The following SLC1A6 variants were observed in gnomAD, a reference collection of about 807,000 sequenced individuals.
SLC1A6 encodes excitatory amino acid transporter 4.
In SLC1A6, 15 loss-of-function variants were observed where a neutral mutation model predicts 42.1. That is an observed-to-expected ratio of 0.36 (90% CI 0.24 to 0.55). SLC1A6 has a LOEUF of 0.55. SLC1A6 is among the 20% of genes least tolerant of loss of function. The pLI, the probability that SLC1A6 is intolerant of heterozygous loss-of-function variation, is 0.88. For missense variants in SLC1A6, 542 were observed against 772.5 expected (o/e 0.70, Z 3.54); for synonymous variants, 317 against 319.7 (o/e 0.99, Z 0.09).
chr19:15,005,164 G>A (rs1357206471), intron 1 of SLC1A6, among the ~76,000 whole-genome samples: 1 of 151,910 alleles, frequency 6.6e-6, no homozygotes, highest in African/African-American at 2.4e-5. Context: ...GGAGGCTGAG[G>A]CAGGAGGATT....
chr19:14,996,555 CTTCTTG>C lies in SLC1A6; in HGVS notation c.6+13924_6+13929del, dbSNP rs1414440326. 2.8e-3 allele frequency among the ~76,000 whole-genome samples: 387 copies of C among 136,448 alleles called. 12 individuals carry two copies. Among genetic ancestry groups the C allele is most frequent in the African/African-American group, 9.8e-3 (336 of 34,132 alleles). 89.5% of individuals were successfully genotyped at this position (136,448 alleles called of 152,430 possible). A position where few individuals can be genotyped will look rare whatever the true frequency, so the allele number is the denominator to read the frequency against. On this transcript the variant is annotated intron_variant, in intron 1 of 8. Coordinates refer to the SLC1A6 transcript ENST00000430939. ...TCTTCTTCTTCTTCTTCTTCTTCTT[CTTCTTG>C]TTCTTCTTCCTCTTCTTCTTCTTCC... is the stretch of plus-strand genomic sequence containing the variant.
At chr19:14,996,588 C>CTTCTTCTTCTTCTTCTTCTTCT (rs1555710449) in intron 1 of SLC1A6, among the ~76,000 whole-genome samples, 8 of 150,566 alleles carry the variant, frequency 5.3e-5, no homozygotes, top group South Asian at 2.1e-4. Context: ...TCTTCTTCCT[C>CTTCTTCTTCTTCTTCTTCTTCT]TCATTGTACC....
At chr19:14,985,597 C>A (rs2145227945) in intron 1 of SLC1A6, among the ~76,000 whole-genome samples, 1 of 152,332 alleles carries the variant, frequency 6.6e-6, no homozygotes, top group South Asian at 2.1e-4. Flanking sequence ...TCCTGTACAG[C>A]CTGCAGAACT....
chr19:14,951,620 G>A (rs970115632), intron 9 of SLC1A6, among the ~76,000 whole-genome samples: 4 of 152,042 alleles, frequency 2.6e-5, no homozygotes, highest in Non-Finnish European at 5.9e-5. Flanking sequence ...AGGTTCAAGC[G>A]ATTCTCCTGT....
intron 6 of SLC1A6, among the ~76,000 whole-genome samples, chr19:14,959,273 C>T (rs1418685731): frequency 2.0e-5 from 3 of 152,194 alleles, no homozygotes; most frequent in African/African-American, 4.8e-5. Context: ...ATTGCTTTTA[C>T]CTATTTAGAA....
At chr19:14,997,868 C>T (rs920966797) in intron 1 of SLC1A6, among the ~76,000 whole-genome samples, 1 of 152,070 alleles carries the variant, frequency 6.6e-6, no homozygotes, top group African/African-American at 2.4e-5. Context: ...TCTTCCCTTG[C>T]CTCATTCTAG....
rs1482258659 is a variant in SLC1A6 at position 14,952,777 on chromosome 19, A to G, written c.1499+151T>C. 4 of 890,094 alleles carry G rather than the reference A, an allele frequency of 4.5e-6. No individual in the cohort carries two copies. In the African/African-American group the frequency reaches 6.8e-5, roughly 15 times the overall value. 55.1% of individuals were successfully genotyped at this position (890,094 alleles called of 1,614,324 possible). A position where few individuals can be genotyped will look rare whatever the true frequency, so the allele number is the denominator to read the frequency against. On this transcript the variant is annotated intron_variant, in intron 9 of 9. Transcript: ENST00000594383. The stretch of plus-strand genomic sequence containing the variant: ...GGGATTTGGGGTCCAGAGGCCATGG[A>G]TTGGAGGCCTCTCCAAGGCCTCCTT...
intron 9 of SLC1A6, among the ~76,000 whole-genome samples, chr19:14,951,757 A>G (rs1299110644): frequency 6.6e-6 from 1 of 151,678 alleles, no homozygotes; most frequent in Non-Finnish European, 1.5e-5. Context: ...ACCTCAGGTG[A>G]TCTGCCCACC....
intron 1 of SLC1A6, among the ~76,000 whole-genome samples, chr19:14,989,047 C>T (rs1019032764): frequency 6.6e-5 from 10 of 151,936 alleles, no homozygotes; most frequent in Non-Finnish European, 1.5e-4. Flanking sequence ...AGTCAAATAC[C>T]AAATGTTCTC....
At chr19:14,989,103 G>A (rs1008227152) in intron 1 of SLC1A6, among the ~76,000 whole-genome samples, 4 of 152,004 alleles carry the variant, frequency 2.6e-5, no homozygotes, top group Non-Finnish European at 5.9e-5. Flanking sequence ...TACAGACACC[G>A]GCAACTCCAA....
At chr19:14,995,326 C>CAAAAAAAAAA (rs1173848535) in intron 1 of SLC1A6, among the ~76,000 whole-genome samples, 1 of 53,012 alleles carries the variant, frequency 1.9e-5, no homozygotes. Context: ...ACTCCATCTC[C>CAAAAAAAAAA]AAAAAAAAAA....
chr19:15,009,121 T>C (rs1338132659), intron 1 of SLC1A6, among the ~76,000 whole-genome samples: 1 of 116,386 alleles, frequency 8.6e-6, no homozygotes. Context: ...ATCTATCATA[T>C]ATCTAGATAG....
chr19:15,001,494 C>T (rs1012421382), intron 1 of SLC1A6, among the ~76,000 whole-genome samples: 1 of 152,136 alleles, frequency 6.6e-6, no homozygotes, highest in African/African-American at 2.4e-5. Context: ...ATGACTGATC[C>T]TTTATGATCT....
chr19:14,972,412 CAT>C (rs1482036753), intron 2 of SLC1A6, among the ~76,000 whole-genome samples: 6 of 149,028 alleles, frequency 4.0e-5, no homozygotes, highest in East Asian at 2.0e-4. Context: ...TCAATGCACG[CAT>C]ATGTGTGTGT....
rs189144203 is a variant in SLC1A6, at chr19:14,959,488, T to C, written c.935+2514A>G. ...AGTAAAAATTGCCTTGCTGAGATAA[T>C]TAAATTTATGTTTGAGTGCTATTTC... is the stretch of plus-strand genomic sequence containing the variant. On this transcript the variant is annotated intron_variant, in intron 6 of 9. Transcript: ENST00000594383. Among the ~76,000 whole-genome samples the C allele has an allele frequency of 3.8e-3, 583 of 152,356 alleles. 3 individuals carry two copies. Among genetic ancestry groups the C allele is most frequent in the Non-Finnish European group, 6.2e-3 (424 of 68,026 alleles).
intron 1 of SLC1A6, among the ~76,000 whole-genome samples, chr19:14,993,311 G>C (rs529029014): frequency 6.6e-6 from 1 of 152,076 alleles, no homozygotes; most frequent in Non-Finnish European, 1.5e-5. Flanking sequence ...GACTGCTGAT[G>C]ATGGGTAGAG....
intron 1 of SLC1A6, among the ~76,000 whole-genome samples, chr19:15,006,291 G>A (rs1463662105): frequency 6.6e-6 from 1 of 152,132 alleles, no homozygotes; most frequent in African/African-American, 2.4e-5. Flanking sequence ...ACAGCAAGTG[G>A]CAGAATCATA....
At chr19:14,956,199 G>A (rs568587042) in intron 7 of SLC1A6, among the ~76,000 whole-genome samples, 1 of 152,216 alleles carries the variant, frequency 6.6e-6, no homozygotes, top group Admixed American at 6.5e-5. Context: ...AAATGACTGA[G>A]CTCATGGGGC....
At chr19:14,970,166 T>A (rs1248794115) in intron 3 of SLC1A6, among the ~76,000 whole-genome samples, 1 of 152,104 alleles carries the variant, frequency 6.6e-6, no homozygotes, top group Non-Finnish European at 1.5e-5. Flanking sequence ...GCCTCCTGGG[T>A]TCAAGTGATC....
Sources: gnomAD v4.1 joint callset for allele counts (sites outside exome capture counted in the v4.1 genomes callset) on GRCh38, gnomAD v4.1.1 for gene constraint, MANE v1.5 for transcripts, NCBI Gene and HGNC (gene_info 2026-07-23, HGNC 2026-07-21) for gene names.